Variants in CLPS observed in about 807,000 individuals in gnomAD.
CLPS encodes the protein colipase, also known as colipase, pancreatic.
CLPS carries 8 observed loss-of-function variants against 9.3 expected under a neutral mutation model. That is an observed-to-expected ratio of 0.86 (90% CI 0.51 to 1.56). The LOEUF is 1.56. Ranked by LOEUF, CLPS falls within the 40% of genes most tolerant of loss-of-function variation. The pLI, the probability that CLPS is intolerant of heterozygous loss-of-function variation, is 0.00. For synonymous variants in CLPS, 61 were observed against 56.2 expected (o/e 1.09, Z -0.39); for missense variants, 144 against 145.7 (o/e 0.99, Z 0.06).
At position 35,795,916 on chromosome 6, in the gene CLPS, G is replaced by C. The variant is rs1278654651; in HGVS notation, c.85-63C>G. 3.8e-6 allele frequency: 6 copies of C among 1,598,320 alleles called. No individual in the cohort carries two copies. The South Asian group carries it at 6.6e-5, about 18-fold the overall frequency. On this transcript the variant is annotated intron_variant, in intron 1 of 2. Transcript: ENST00000259938. ...TCAGGTCCCTTCTCCATTCAGACCT[G>C]TACCCACCACACACTACCACTAACA...
Position 35,795,223 on chromosome 6 carries a change from C to G in CLPS, c.262G>C (p.Gly88Arg), listed in dbSNP as rs1181803210. ...CPCERGLTCE[G>R]DKTIVGSITN... is the part of the protein sequence containing the mutation. ...ATGGAGCCCACGATGGTCTTGTCTCCCTCACAGGTCAGGCCACGCTCACAG... is the reference window on the plus strand; with the variant it reads ...ATGGAGCCCACGATGGTCTTGTCTCGCTCACAGGTCAGGCCACGCTCACAG... The change falls in exon 3 of 3, where the codon GGA (glycine) becomes CGA (arginine). Residue 88 changes from glycine to arginine, a missense_variant. Coordinates refer to ENST00000259938, the MANE Select transcript of CLPS (RefSeq NM_001832.4). 1.9e-6 allele frequency: 3 copies of G among 1,614,260 alleles called. No homozygotes were observed. In the South Asian group the frequency reaches 3.3e-5, roughly 18 times the overall value.
chr6:35,796,794 C>T (rs953638978), intron 1 of CLPS: 9 of 454,870 alleles, frequency 2.0e-5, no homozygotes, highest in African/African-American at 4.0e-5. Flanking sequence ...AATAGCTGAG[C>T]GTTATGGCAG....
intron 1 of CLPS, among the ~76,000 whole-genome samples, 155 bp downstream of exon 1, chr6:35,797,050 G>A (rs1380260710): frequency 6.6e-6 from 1 of 152,280 alleles, no homozygotes; most frequent in Non-Finnish European, 1.5e-5. Flanking sequence ...TCTGGGAAGA[G>A]GCATAGGACA....
In CLPS at chr6:35,795,181, C is replaced by T. The variant is rs1246656395; in HGVS notation, c.304G>A (p.Gly102Ser). The change falls in exon 3 of 3, where the codon GGC becomes AGC. Residue 102 changes from glycine (G) to serine (S), a missense_variant. By Grantham distance (56) the Gly-to-Ser change is moderately conservative (BLOSUM62 0). Coordinates refer to ENST00000259938, the MANE Select transcript of CLPS (RefSeq NM_001832.4). ...GAGCGTCCAGCGTCATGGCAGATGC[C>T]AAAGTTGGTGTTGGTGATGGAGCCC... The part of the protein sequence containing the change: ...IVGSITNTNF[G>S]ICHDAGRSKQ 1 of 1,614,194 alleles carries T rather than the reference C, an allele frequency of 6.2e-7. No individual in the cohort carries two copies. Among genetic ancestry groups the T allele is most frequent in the Non-Finnish European group, 8.5e-7 (1 of 1,180,032 alleles).
At chr6:35,796,622 G>A (rs1442892347) in intron 1 of CLPS, among the ~76,000 whole-genome samples, 1 of 152,262 alleles carries the variant, frequency 6.6e-6, no homozygotes, top group Non-Finnish European at 1.5e-5. Flanking sequence ...TGGAAGCCCA[G>A]GGCTCTGGAT....
rs755023217 is a variant in CLPS at position 35,795,241 on chromosome 6, G to A, written c.244C>T (p.Arg82Cys). 7.4e-6 allele frequency: 12 copies of A among 1,614,078 alleles called. No individual in the cohort carries two copies. The highest frequency in any genetic ancestry group is 4.0e-5 in the African/African-American group (3 of 74,950). Residue 82 changes from arginine (R) to cysteine (C), a missense_variant, in exon 3 of 3, where the codon CGT (arginine) becomes TGT (cysteine). Arg to Cys is a radical substitution (Grantham distance 180, BLOSUM62 -3). Coordinates refer to ENST00000259938, the MANE Select transcript of CLPS (RefSeq NM_001832.4). ...YGIYYKCPCE[R>C]GLTCEGDKTI... The stretch of plus-strand genomic sequence containing the variant: ...TTGTCTCCCTCACAGGTCAGGCCAC[G>A]CTCACAGGGACACTTGTAGTAAATC...
intron 1 of CLPS, 125 bp from the exon 2 acceptor site, chr6:35,795,978 A>G (rs1768358052): frequency 6.8e-7 from 1 of 1,477,186 alleles, no homozygotes; most frequent in Non-Finnish European, 9.2e-7. Flanking sequence ...GAAGGAGTCC[A>G]TCCCCTGGGT....
intron 1 of CLPS, chr6:35,796,858 C>T (rs551010173): frequency 5.8e-5 from 27 of 463,550 alleles, no homozygotes; most frequent in South Asian, 2.3e-4. Flanking sequence ...CATTTGAACC[C>T]GGGAAGCAGA....
chr6:35,795,826 C>A lies in CLPS; in HGVS notation c.112G>T (p.Ala38Ser). Reference sequence around the variant, plus strand: ...TGGCAGCAATTGCTCTTACACTGGGCACTATTCATGCAGAGCTCACCGTTC... The same window carrying A: ...TGGCAGCAATTGCTCTTACACTGGGAACTATTCATGCAGAGCTCACCGTTC... ...LENGELCMNSAQCKSNCCQHS... is the reference protein window; with the variant it reads ...LENGELCMNSSQCKSNCCQHS... Residue 38 changes from alanine to serine, a missense_variant, in exon 2 of 3, where the codon GCC (alanine) becomes TCC (serine). Ala to Ser is a moderately conservative substitution (Grantham distance 99). Coordinates refer to ENST00000259938, the MANE Select transcript of CLPS (RefSeq NM_001832.4). The A allele has an allele frequency of 6.2e-7, 1 of 1,613,180 alleles. No homozygotes were observed. Among genetic ancestry groups the A allele is most frequent in the Non-Finnish European group, 8.5e-7 (1 of 1,180,030 alleles).
At chr6:35,796,207 C>T (rs1768364780) in intron 1 of CLPS, among the ~76,000 whole-genome samples, 1 of 152,284 alleles carries the variant, frequency 6.6e-6, no homozygotes, top group African/African-American at 2.4e-5. Context: ...CTCTGGGTCC[C>T]ACACCTCTTT....
At position 35,795,272 on chromosome 6, in the gene CLPS, G is replaced by A. The variant is rs778333504; in HGVS notation, c.213C>T (p.Leu71=). The A allele has an allele frequency of 6.2e-7, 1 of 1,613,980 alleles. No homozygotes were observed. Among genetic ancestry groups the A allele is most frequent in the Non-Finnish European group, 8.5e-7 (1 of 1,179,908 alleles). ...AGGGACACTTGTAGTAAATCCCATAGAGCGTCTGCAGAGACACAGCCAATG... is the reference window on the plus strand; with the variant it reads ...AGGGACACTTGTAGTAAATCCCATAAAGCGTCTGCAGAGACACAGCCAATG... ...SENSECSVKT[L]YGIYYKCPCE... Residue 71 remains leucine, a synonymous_variant, in exon 3 of 3, where the codon CTC becomes CTT. Transcript: ENST00000259938.
intron 1 of CLPS, 60 bp from the exon 2 acceptor site, chr6:35,795,913 C>A (rs1341961341): frequency 3.8e-6 from 6 of 1,598,832 alleles, no homozygotes; most frequent in Non-Finnish European, 5.1e-6. Flanking sequence ...TCCATTCAGA[C>A]CTGTACCCAC....
intron 1 of CLPS, 49 bp downstream of exon 1, chr6:35,797,156 A>C (rs1214507278): frequency 1.3e-6 from 2 of 1,528,648 alleles, no homozygotes; most frequent in Non-Finnish European, 1.8e-6. Flanking sequence ...AAGCTTAGGA[A>C]GTCTTCATCT....
rs563503714 is a variant in CLPS, at chr6:35,795,042, A to G, written c.*104T>C. ...CAATCAGAAAACAGATATGCTGGTC[A>G]AGGAGGTGGCCAGCCCGGGAGATGC... On this transcript the variant is annotated 3_prime_UTR_variant, in exon 3 of 3. Coordinates refer to ENST00000259938, the MANE Select transcript of CLPS (RefSeq NM_001832.4). The G allele has an allele frequency of 5.3e-5, 79 of 1,477,654 alleles. No homozygotes were observed. In the South Asian group the frequency reaches 9.0e-4, roughly 17 times the overall value. The allele number at this position is 1,477,654 out of a possible 1,614,324, so 91.5% of individuals were successfully genotyped here. A position where few individuals can be genotyped will look rare whatever the true frequency, so the allele number is the denominator to read the frequency against.
In CLPS at chr6:35,795,784, C is replaced by A. The variant is rs781657138; in HGVS notation, c.154G>T (p.Gly52Cys). The A allele has an allele frequency of 6.2e-7, 1 of 1,613,114 alleles. No homozygotes were observed. The highest frequency in any genetic ancestry group is 1.3e-5 in the African/African-American group (1 of 74,940). Residue 52 changes from glycine to cysteine, a missense_variant, in exon 2 of 3, where the codon GGC becomes TGC. By Grantham distance (159) the Gly-to-Cys change is radical. Transcript: ENST00000259938. The part of the protein sequence containing the change: ...SNCCQHSSAL[G>C]LARCTSMASE... ...GCCATGGATGTGCAGCGGGCCAGGC[C>A]CAGCGCACTTGAATGCTGGCAGCAA... is the stretch of plus-strand genomic sequence containing the variant.
chr6:35,796,632 T>G lies in CLPS; in HGVS notation c.84+573A>C, dbSNP rs958202986. Among the ~76,000 whole-genome samples, 7 of 152,380 alleles carry G rather than the reference T, an allele frequency of 4.6e-5. No individual in the cohort carries two copies. In the South Asian group the frequency reaches 8.3e-4, roughly 18 times the overall value. ...CAGGATGGAAGCCCAGGGCTCTGGA[T>G]TTTTACAAAGCTCCCTCGTAGGGCC... On this transcript the variant is annotated intron_variant, in intron 1 of 2. Coordinates refer to ENST00000259938, the MANE Select transcript of CLPS (RefSeq NM_001832.4).
At chr6:35,796,927 C>T (rs796130501) in intron 1 of CLPS, 17 of 464,344 alleles carry the variant, frequency 3.7e-5, no homozygotes, top group East Asian at 1.8e-4. Flanking sequence ...AGCAAGACTC[C>T]GTTTCAAAAA....
intron 2 of CLPS, 151 bp downstream of exon 2, chr6:35,795,580 G>T: frequency 7.6e-7 from 1 of 1,311,450 alleles, no homozygotes; most frequent in Non-Finnish European, 1.0e-6. Flanking sequence ...AGAGATGATG[G>T]GATGGGAAAG....
intron 2 of CLPS, 36 bp from the exon 3 acceptor site, chr6:35,795,313 G>A (rs1475221139): frequency 2.5e-6 from 4 of 1,604,980 alleles, no homozygotes; most frequent in Non-Finnish European, 3.4e-6. Flanking sequence ...AAGGCTATGG[G>A]GAGATACTTT....
Sources: allele counts gnomAD v4.1 joint callset (sites outside exome capture counted in the v4.1 genomes callset), GRCh38; gene constraint gnomAD v4.1.1; transcripts MANE v1.5; gene names NCBI Gene and HGNC (gene_info 2026-07-23, HGNC 2026-07-21).